EML1: variants seen among roughly 807,000 people sequenced by gnomAD.
EML1 encodes echinoderm microtubule-associated protein-like 1.
EML1 carries 27 observed loss-of-function variants against 110.4 expected under a neutral mutation model. The observed-to-expected ratio is 0.24, with a 90% CI of 0.18 to 0.34. EML1 has a LOEUF of 0.34. Among genes scored for constraint, EML1 ranks in the 10% least tolerant of loss-of-function variants. The pLI, the probability that EML1 is intolerant of heterozygous loss-of-function variation, is 1.00. For missense variants in EML1, 741 were observed against 1,030.9 expected (o/e 0.72, Z 3.85); for synonymous variants, 344 against 385.8 (o/e 0.89, Z 1.27).
intron 1 of EML1, among the ~76,000 whole-genome samples, chr14:99,843,925 A>T (rs1010495871): frequency 2.0e-5 from 3 of 151,820 alleles, no homozygotes; most frequent in African/African-American, 7.3e-5. Flanking sequence ...AGACAGATAT[A>T]AAATACCTTC....
chr14:99,869,863 G>C (rs1041532741), intron 3 of EML1, among the ~76,000 whole-genome samples: 4 of 152,178 alleles, frequency 2.6e-5, no homozygotes, highest in Admixed American at 2.6e-4. Context: ...GGACGTGCCT[G>C]CTCCTGTCTT....
At chr14:99,828,757 TG>T (rs2058401459) in intron 1 of EML1, among the ~76,000 whole-genome samples, 1 of 152,202 alleles carries the variant, frequency 6.6e-6, no homozygotes, top group Admixed American at 6.5e-5. Flanking sequence ...ACACATATTT[TG>T]TATGTTATAT....
rs1452900431 is a variant in EML1, at chr14:99,936,881, G to C, written c.2095+547G>C. On this transcript the variant is annotated intron_variant, in intron 19 of 21. Transcript: ENST00000262233. This position sits in a 1 kb window ranked among gnomAD's most constrained non-coding sequence, Gnocchi z 5.5. ...AAGCACATCCTCATGCCACGCACTG[G>C]TTCCTTAGACACCCACCAGGCACCT... Among the ~76,000 whole-genome samples the C allele has an allele frequency of 6.6e-6, 1 of 152,172 alleles. No homozygotes were observed. Among genetic ancestry groups the C allele is most frequent in the Admixed American group, 6.5e-5 (1 of 15,284 alleles).
chr14:99,855,039 C>G (rs2058879217), intron 2 of EML1, among the ~76,000 whole-genome samples: 1 of 152,016 alleles, frequency 6.6e-6, no homozygotes, highest in Non-Finnish European at 1.5e-5. Context: ...AGGGGCATGG[C>G]CAGGAGATGA....
upstream of EML1, among the ~76,000 whole-genome samples, chr14:99,769,403 C>A (rs952654995): frequency 1.4e-4 from 21 of 152,188 alleles, no homozygotes; most frequent in African/African-American, 4.8e-4. Flanking sequence ...AGCACACAGC[C>A]CTTCAAGGCT....
chr14:99,935,300 C>T (rs1035133085), intron 17 of EML1, among the ~76,000 whole-genome samples: 1 of 151,734 alleles, frequency 6.6e-6, no homozygotes, highest in African/African-American at 2.4e-5. Flanking sequence ...ACAGCGAGAC[C>T]CCAACTCTAC....
At chr14:99,916,477 T>A (rs1157599725) in intron 15 of EML1, among the ~76,000 whole-genome samples, 1 of 152,222 alleles carries the variant, frequency 6.6e-6, no homozygotes, top group Non-Finnish European at 1.5e-5. Flanking sequence ...TTCCCATTGC[T>A]ACTTTTCTTC....
At chr14:99,817,290 C>A (rs887969095) in intron 1 of EML1, among the ~76,000 whole-genome samples, 2 of 152,230 alleles carry the variant, frequency 1.3e-5, no homozygotes, top group Non-Finnish European at 2.9e-5. Context: ...CACAGCTTGA[C>A]TGCACAGTGC....
chr14:99,914,154 C>A, intron 13 of EML1, 25 bp from the exon 14 acceptor site: 1 of 1,589,148 alleles, frequency 6.3e-7, no homozygotes, highest in South Asian at 1.1e-5. Context: ...TACATCTTTT[C>A]TTTTCATATG....
chr14:99,849,896 ATTTG>A (rs1234129794), intron 1 of EML1, among the ~76,000 whole-genome samples: 3 of 148,304 alleles, frequency 2.0e-5, no homozygotes, highest in Admixed American at 6.7e-5. Flanking sequence ...TCAGCCATTT[ATTTG>A]TTTGTTTTGT....
chr14:99,923,056 C>T (rs10220650), intron 17 of EML1, among the ~76,000 whole-genome samples: 3,759 of 152,244 alleles, frequency 0.025, 59 homozygotes, highest in Middle Eastern at 0.065. Flanking sequence ...ATCCTCTCAC[C>T]TCAGCCTCCC....
At chr14:99,897,016 A>T in intron 6 of EML1, 129 bp from the exon 7 acceptor site, 1 of 826,594 alleles carries the variant, frequency 1.2e-6, no homozygotes, top group Non-Finnish European at 1.7e-6. Flanking sequence ...TTTGCAATTT[A>T]ATGTTGTTTA....
intron 20 of EML1, among the ~76,000 whole-genome samples, chr14:99,938,312 A>G (rs1009937481): frequency 9.2e-5 from 14 of 152,226 alleles, no homozygotes; most frequent in African/African-American, 3.4e-4. Flanking sequence ...CATTCACTTT[A>G]GGAATATTTT....
intron 1 of EML1, among the ~76,000 whole-genome samples, chr14:99,782,082 T>C (rs2057545998): frequency 6.6e-6 from 1 of 152,188 alleles, no homozygotes; most frequent in African/African-American, 2.4e-5. Flanking sequence ...TTATCCTACC[T>C]GTCCCCAGCC....
At chr14:99,763,021 T>C (rs1055246969) in intron 1 of EML1, among the ~76,000 whole-genome samples, 10 of 152,132 alleles carry the variant, frequency 6.6e-5, no homozygotes, top group African/African-American at 1.7e-4. Context: ...TGGGAGGCAA[T>C]TGAATCATGG....
At chr14:99,924,006 T>G (rs950573729) in intron 17 of EML1, among the ~76,000 whole-genome samples, 1 of 152,200 alleles carries the variant, frequency 6.6e-6, no homozygotes, top group African/African-American at 2.4e-5. Flanking sequence ...AGAGGGATTA[T>G]GTTTAATTTA....
At chr14:99,873,645 T>A (rs2059241186) in intron 3 of EML1, among the ~76,000 whole-genome samples, 1 of 152,204 alleles carries the variant, frequency 6.6e-6, no homozygotes, top group African/African-American at 2.4e-5. Context: ...GACTTTGTAT[T>A]GTAGAAAGAA....
At chr14:99,904,055 T>C (rs2059804417) in intron 9 of EML1, among the ~76,000 whole-genome samples, 1 of 152,156 alleles carries the variant, frequency 6.6e-6, no homozygotes, top group South Asian at 2.1e-4. Context: ...AGTGCTGGGG[T>C]TACAGGTGTG....
At chr14:99,917,302 G>T (rs771876917) in intron 15 of EML1, among the ~76,000 whole-genome samples, 2 of 152,178 alleles carry the variant, frequency 1.3e-5, no homozygotes, top group African/African-American at 2.4e-5. Context: ...AGGCTCAATG[G>T]CTTACACCTA....
Sources: gnomAD v4.1 joint callset for allele counts (sites outside exome capture counted in the v4.1 genomes callset) on GRCh38, gnomAD v4.1.1 for gene constraint, Gnocchi (gnomAD v3.1) non-coding constraint, MANE v1.5 for transcripts, NCBI Gene and HGNC (gene_info 2026-07-23, HGNC 2026-07-21) for gene names.